The following ADGRE1 variants were observed in gnomAD, a reference collection of about 807,000 sequenced individuals.
The protein encoded by ADGRE1 is EGF-like module receptor 1.
ADGRE1 carries 82 observed loss-of-function variants against 102.7 expected under a neutral mutation model. The observed-to-expected ratio is 0.80, with a 90% CI of 0.67 to 0.96. ADGRE1 has a LOEUF of 0.96. Among genes scored for constraint, ADGRE1 ranks in the 40% least tolerant of loss-of-function variants. The pLI is 0.00. For missense variants in ADGRE1, 1,032 were observed against 1,085.3 expected (o/e 0.95, Z 0.69); for synonymous variants, 398 against 399.6 (o/e 1.00, Z 0.05).
At position 6,916,264 on chromosome 19, in the gene ADGRE1, T is replaced by A; in HGVS notation, c.1316T>A (p.Val439Asp). 1 of 1,612,746 alleles carries A rather than the reference T, an allele frequency of 6.2e-7. No homozygotes were observed. Among genetic ancestry groups the A allele is most frequent in the South Asian group, 1.1e-5 (1 of 90,894 alleles). ...RTEYLDIESK[V>D]INKECSEENV... ...CTCTTTTTAGACATTGAGAGCAAAG[T>A]TATCAACAAAGAATGCAGTGAAGAG... Residue 439 changes from valine (V) to aspartate (D), a missense_variant, in exon 12 of 21, where the codon GTT becomes GAT. By Grantham distance (152) the Val-to-Asp change is radical. Coordinates refer to ENST00000312053, the MANE Select transcript of ADGRE1 (RefSeq NM_001974.5).
intron 10 of ADGRE1, 48 bp downstream of exon 10, chr19:6,908,820 G>A: frequency 5.1e-6 from 8 of 1,558,996 alleles, no homozygotes; most frequent in Non-Finnish European, 7.0e-6. Context: ...AAACATCTTG[G>A]GCACACTTTG....
At chr19:6,898,333 CA>C in intron 5 of ADGRE1, 1 of 1,597,992 alleles carries the variant, frequency 6.3e-7, no homozygotes, top group Admixed American at 1.7e-5. Flanking sequence ...TCAAAGCCCC[CA>C]GCCCTGTGGT....
chr19:6,916,756 T>C (rs566487271), intron 12 of ADGRE1, among the ~76,000 whole-genome samples: 1 of 151,230 alleles, frequency 6.6e-6, no homozygotes, highest in East Asian at 1.9e-4. Flanking sequence ...ATAAAAAATA[T>C]TTAAATTTTT....
rs1975619443 is a variant in ADGRE1 at position 6,940,313 on chromosome 19, A to G, written c.*284A>G. On this transcript the variant is annotated 3_prime_UTR_variant, in exon 21 of 21. Coordinates refer to ENST00000312053, the MANE Select transcript of ADGRE1 (RefSeq NM_001974.5). ...ACCCAAATTCAATGGCATGACCAAG[A>G]ACACCTGGCTACCATTTTGTTTTCT... 3.7e-6 allele frequency: 2 copies of G among 534,170 alleles called. No homozygotes were observed. Among genetic ancestry groups the G allele is most frequent in the Non-Finnish European group, 6.7e-6 (2 of 298,162 alleles). The allele number at this position is 534,170 out of a possible 1,614,324, so 33.1% of individuals were successfully genotyped here. A position where few individuals can be genotyped will look rare whatever the true frequency, so the allele number is the denominator to read the frequency against.
chr19:6,913,218 G>A (rs58936509), intron 10 of ADGRE1, among the ~76,000 whole-genome samples: 28,655 of 151,272 alleles, frequency 0.19, 2,777 homozygotes, highest in Middle Eastern at 0.25. Context: ...TCTCACTGTC[G>A]CCCAGGCTGG....
At chr19:6,914,192 G>A (rs111576386) in intron 11 of ADGRE1, among the ~76,000 whole-genome samples, 5 of 152,306 alleles carry the variant, frequency 3.3e-5, no homozygotes, top group Non-Finnish European at 5.9e-5. Flanking sequence ...GGTGGGATTT[G>A]GGGAGTAGCT....
intron 16 of ADGRE1, among the ~76,000 whole-genome samples, chr19:6,927,047 G>T (rs1248707735): frequency 6.7e-6 from 1 of 149,888 alleles, no homozygotes; most frequent in Non-Finnish European, 1.5e-5. Context: ...GGACAAGAGC[G>T]AGACTTCATC....
intron 17 of ADGRE1, among the ~76,000 whole-genome samples, chr19:6,931,333 G>C (rs1349391893): frequency 6.6e-6 from 1 of 152,016 alleles, no homozygotes; most frequent in Non-Finnish European, 1.5e-5. Context: ...TAATTTTCAG[G>C]GGTCACCGTA....
At chr19:6,908,143 A>C (rs1461981172) in intron 9 of ADGRE1, among the ~76,000 whole-genome samples, 1 of 152,248 alleles carries the variant, frequency 6.6e-6, no homozygotes, top group Non-Finnish European at 1.5e-5. Context: ...AAACAATAGC[A>C]TGAGCCATCT....
chr19:6,934,014 T>C (rs901414162), intron 17 of ADGRE1, among the ~76,000 whole-genome samples: 8 of 152,066 alleles, frequency 5.3e-5, no homozygotes, highest in East Asian at 1.9e-4. Flanking sequence ...GACCGCCCCA[T>C]TGAGAACAAG....
chr19:6,906,119 T>G (rs1247674468), intron 8 of ADGRE1, among the ~76,000 whole-genome samples: 2 of 152,024 alleles, frequency 1.3e-5, no homozygotes, highest in Non-Finnish European at 2.9e-5. Context: ...CCTCTTAGAG[T>G]GTAAGCTGTG....
chr19:6,888,637 G>T (rs1182774421), intron 1 of ADGRE1, among the ~76,000 whole-genome samples: 1 of 152,186 alleles, frequency 6.6e-6, no homozygotes, highest in Non-Finnish European at 1.5e-5. Context: ...ATCATTAATT[G>T]GTGAAGCCAG....
At chr19:6,921,141 C>T in intron 13 of ADGRE1, among the ~76,000 whole-genome samples, 1 of 152,134 alleles carries the variant, frequency 6.6e-6, no homozygotes. Flanking sequence ...CAAAAATTAG[C>T]TGGATATGGT....
At chr19:6,893,086 G>T (rs1354736011) in intron 2 of ADGRE1, among the ~76,000 whole-genome samples, 2 of 152,194 alleles carry the variant, frequency 1.3e-5, no homozygotes, top group East Asian at 3.8e-4. Context: ...ACGAGAACAT[G>T]CAATATTTGT....
Position 6,924,869 on chromosome 19 carries a change from C to G in ADGRE1, c.1983C>G (p.Asn661Lys). 1 of 1,614,022 alleles carries G rather than the reference C, an allele frequency of 6.2e-7. No homozygotes were observed. Among genetic ancestry groups the G allele is most frequent in the Non-Finnish European group, 8.5e-7 (1 of 1,179,978 alleles). ...LFLAGIHKTD[N>K]KMGCAIIAGF... ...TCGCCGGTATACACAAGACTGACAA[C>G]AAGGTCTACATCGCTCGGGCTGTGT... The change falls in exon 15 of 21, where the codon AAC becomes AAG. Residue 661 changes from asparagine (N) to lysine (K), a missense_variant. By Grantham distance (94) the Asn-to-Lys change is moderately conservative. Coordinates refer to ENST00000312053, the MANE Select transcript of ADGRE1 (RefSeq NM_001974.5).
chr19:6,936,614 T>C (rs1305079788), intron 18 of ADGRE1, among the ~76,000 whole-genome samples: 3 of 135,504 alleles, frequency 2.2e-5, no homozygotes, highest in Non-Finnish European at 3.1e-5. Flanking sequence ...CACTATCTAG[T>C]GGCAAATCCT....
rs1222442497 is a variant in ADGRE1, at chr19:6,928,180, G to C, written c.2258G>C (p.Ser753Thr). The change falls in exon 17 of 21, where the codon AGT becomes ACT. Residue 753 changes from serine to threonine, a missense_variant. Transcript: ENST00000312053. ...WLNTETGFIW[S>T]FLGPVCTVIV... ...AATACAGAGACAGGGTTCATCTGGA[G>C]TTTCTTGGGGCCAGTTTGCACAGTT... The C allele has an allele frequency of 1.2e-6, 2 of 1,614,058 alleles. No homozygotes were observed. Among genetic ancestry groups the C allele is most frequent in the Non-Finnish European group, 1.7e-6 (2 of 1,180,024 alleles).
chr19:6,938,800 TC>T lies in ADGRE1; in HGVS notation c.2655+1153del, dbSNP rs748071696. Among the ~76,000 whole-genome samples, 296 of 139,566 alleles carry T rather than the reference TC, an allele frequency of 2.1e-3. 1 individual carries two copies. Among genetic ancestry groups the T allele is most frequent in the Non-Finnish European group, 3.2e-3 (207 of 64,346 alleles). 91.6% of individuals were successfully genotyped at this position (139,566 alleles called of 152,430 possible). ...TTCTTTCTTTCTTTCTTTCTTTTTT[TC>T]TTTTTTTTTTTTGAGATGGAGTCTC... is the stretch of plus-strand genomic sequence containing the variant. On this transcript the variant is annotated intron_variant, in intron 20 of 20. Coordinates refer to ENST00000312053, the MANE Select transcript of ADGRE1 (RefSeq NM_001974.5).
At chr19:6,899,919 C>T (rs562969528) in intron 5 of ADGRE1, among the ~76,000 whole-genome samples, 3 of 151,194 alleles carry the variant, frequency 2.0e-5, no homozygotes, top group Non-Finnish European at 2.9e-5. Flanking sequence ...GGTGAAACCC[C>T]GTCTCTACTA....
Sources: gnomAD v4.1 joint callset for allele counts (sites outside exome capture counted in the v4.1 genomes callset) on GRCh38, gnomAD v4.1.1 for gene constraint, MANE v1.5 for transcripts, NCBI Gene and HGNC (gene_info 2026-07-23, HGNC 2026-07-21) for gene names.